Variants in LDAH observed in about 807,000 individuals in gnomAD.
The protein encoded by LDAH is lipid droplet-associated hydrolase.
Under a neutral mutation model 29.6 loss-of-function variants are expected in LDAH, and 26 were observed. That is an observed-to-expected ratio of 0.88 (90% CI 0.64 to 1.22). LDAH has a LOEUF of 1.22. LDAH is among the 50% of genes most tolerant of loss of function. The pLI, the probability that LDAH is intolerant of heterozygous loss-of-function variation, is 0.00. For missense variants in LDAH, 344 were observed against 387.3 expected, an observed-to-expected ratio of 0.89 and a Z score of 0.94; for synonymous variants, 117 against 133.0, an observed-to-expected ratio of 0.88 and a Z score of 0.83.
rs70939052 is a variant in LDAH, at chr2:20,814,229, T to TG, written c.-3+8807dup. ...GTTATACTGTCAGTGAGTCTGACAA[T>TG]GGGGGGGGGGGGTCCATGGTTTATT... On this transcript the variant is annotated intron_variant, in intron 1 of 6. Coordinates refer to ENST00000237822, the MANE Select transcript of LDAH (RefSeq NM_021925.4). Among the ~76,000 whole-genome samples the TG allele has an allele frequency of 6.4e-3, 842 of 132,318 alleles. 10 individuals carry two copies. The highest frequency in any genetic ancestry group is 0.018 in the African/African-American group (655 of 36,800). The allele number at this position is 132,318 out of a possible 152,430, so 86.8% of individuals were successfully genotyped here. A position where few individuals can be genotyped will look rare whatever the true frequency, so the allele number is the denominator to read the frequency against.
chr2:20,787,339 G>A (rs1002719213), intron 3 of LDAH, among the ~76,000 whole-genome samples: 1 of 128,744 alleles, frequency 7.8e-6, no homozygotes, highest in South Asian at 2.9e-4. Context: ...TGTCACCTAG[G>A]CTGGAGTGCA....
intron 5 of LDAH, among the ~76,000 whole-genome samples, chr2:20,736,731 A>G (rs1666816702): frequency 6.6e-6 from 1 of 152,090 alleles, no homozygotes; most frequent in South Asian, 2.1e-4. Context: ...GGACTCTATT[A>G]TCAACGCAAA....
chr2:20,738,688 A>G (rs1210856735), intron 5 of LDAH, among the ~76,000 whole-genome samples: 1 of 152,100 alleles, frequency 6.6e-6, no homozygotes, highest in Admixed American at 6.6e-5. Flanking sequence ...CCCTCTTCCT[A>G]TCTCATCTTT....
chr2:20,817,550 C>T lies in LDAH; in HGVS notation c.-3+5487G>A, dbSNP rs189941951. 7.6e-4 allele frequency among the ~76,000 whole-genome samples: 116 copies of T among 152,152 alleles called. 1 individual carries two copies. Among genetic ancestry groups the T allele is most frequent in the Non-Finnish European group, 1.3e-4 (9 of 67,956 alleles). On this transcript the variant is annotated intron_variant, in intron 1 of 6. Transcript: ENST00000237822. ...ATACTTTAACCAAGTGAGATTTATA[C>T]CAGTTGTGTTCAACATTTTAAAATC...
At chr2:20,747,523 A>G (rs998395080) in intron 4 of LDAH, among the ~76,000 whole-genome samples, 3 of 152,200 alleles carry the variant, frequency 2.0e-5, no homozygotes, top group African/African-American at 7.2e-5. Flanking sequence ...ACATAGGTCT[A>G]GAAGTAATCC....
chr2:20,730,849 G>A (rs143933165), intron 5 of LDAH, among the ~76,000 whole-genome samples: 45 of 152,202 alleles, frequency 3.0e-4, no homozygotes, highest in African/African-American at 1.0e-3. Context: ...AATCAGTTGG[G>A]CACACTTGTG....
chr2:20,801,928 CTA>C (rs1366214190), intron 1 of LDAH, among the ~76,000 whole-genome samples: 2 of 141,126 alleles, frequency 1.4e-5, no homozygotes, highest in Admixed American at 6.9e-5. Context: ...CTCCCAAATT[CTA>C]TGTGTGTGTG....
intron 5 of LDAH, among the ~76,000 whole-genome samples, chr2:20,708,268 G>A (rs1664454328): frequency 6.6e-6 from 1 of 152,146 alleles, no homozygotes; most frequent in Admixed American, 6.5e-5. Context: ...CTGGTAACTA[G>A]AGAACTCAGA....
chr2:20,710,679 T>C (rs994603629), intron 5 of LDAH, among the ~76,000 whole-genome samples: 1 of 144,336 alleles, frequency 6.9e-6, no homozygotes, highest in African/African-American at 2.6e-5. Context: ...TATACATATA[T>C]ATACACATAT....
intron 4 of LDAH, among the ~76,000 whole-genome samples, chr2:20,768,747 G>A (rs564243984): frequency 1.3e-5 from 2 of 152,240 alleles, no homozygotes; most frequent in Admixed American, 6.5e-5. Context: ...AAATCATTCC[G>A]CTGATACACA....
At chr2:20,742,077 C>T (rs1667219901) in intron 4 of LDAH, among the ~76,000 whole-genome samples, 1 of 151,980 alleles carries the variant, frequency 6.6e-6, no homozygotes, top group Non-Finnish European at 1.5e-5. Flanking sequence ...TTTTCTAATC[C>T]ATGTTTAATC....
chr2:20,801,972 G>T (rs920292445), intron 1 of LDAH, among the ~76,000 whole-genome samples: 1 of 151,148 alleles, frequency 6.6e-6, no homozygotes, highest in South Asian at 2.1e-4. Flanking sequence ...GTGTGTGTGT[G>T]TGTGTATGTA....
intron 1 of LDAH, among the ~76,000 whole-genome samples, chr2:20,811,229 A>G (rs985786571): frequency 4.5e-4 from 68 of 152,020 alleles, no homozygotes; most frequent in Non-Finnish European, 8.4e-4. Flanking sequence ...CGTGTTAGCC[A>G]GGATGGTGTC....
intron 1 of LDAH, among the ~76,000 whole-genome samples, chr2:20,809,836 C>T (rs1672352726): frequency 6.6e-6 from 1 of 152,094 alleles, no homozygotes; most frequent in South Asian, 2.1e-4. Context: ...TAGGCCAATA[C>T]CGAAGCTGTC....
chr2:20,697,418 C>A (rs937596140), intron 6 of LDAH, among the ~76,000 whole-genome samples: 19 of 152,234 alleles, frequency 1.2e-4, no homozygotes, highest in African/African-American at 4.6e-4. Flanking sequence ...TTATACCACA[C>A]ATTTGCCCTC....
At chr2:20,821,765 T>A (rs2125185157) in intron 1 of LDAH, among the ~76,000 whole-genome samples, 1 of 152,260 alleles carries the variant, frequency 6.6e-6, no homozygotes, top group African/African-American at 2.4e-5. Flanking sequence ...TAAAGTATAA[T>A]TTTAAAAAAA....
chr2:20,685,605 C>T lies in LDAH; in HGVS notation c.*1298G>A, dbSNP rs1195579829. ...TCATCAGGGGGCTTTAGGATTTGAGCGGAGGGACATCTCATTGTCCTTAGG... is the reference window on the plus strand; with the variant it reads ...TCATCAGGGGGCTTTAGGATTTGAGTGGAGGGACATCTCATTGTCCTTAGG... On this transcript the variant is annotated 3_prime_UTR_variant, in exon 7 of 7. Transcript: ENST00000237822. 2.0e-5 allele frequency: 31 copies of T among 1,550,126 alleles called. No individual in the cohort carries two copies. Among genetic ancestry groups the T allele is most frequent in the East Asian group, 9.8e-5 (4 of 40,902 alleles).
At chr2:20,779,809 G>T (rs1010574034) in intron 3 of LDAH, among the ~76,000 whole-genome samples, 9 of 151,812 alleles carry the variant, frequency 5.9e-5, no homozygotes, top group African/African-American at 2.2e-4. Context: ...TTAAAAAAAA[G>T]AATGCATTGA....
chr2:20,690,273 T>C (rs1662906947), intron 6 of LDAH, among the ~76,000 whole-genome samples: 1 of 152,168 alleles, frequency 6.6e-6, no homozygotes, highest in Non-Finnish European at 1.5e-5. Context: ...CCAAGGCATG[T>C]GCTAGGAACC....
Sources: gnomAD v4.1 joint callset for allele counts (sites outside exome capture counted in the v4.1 genomes callset) on GRCh38, gnomAD v4.1.1 for gene constraint, MANE v1.5 for transcripts, NCBI Gene and HGNC (gene_info 2026-07-23, HGNC 2026-07-21) for gene names.